NAV3: variants seen among roughly 807,000 people sequenced by gnomAD.
The protein encoded by NAV3 is pore membrane and/or filament interacting like protein 1.
Under a neutral mutation model 244.7 loss-of-function variants are expected in NAV3, and 87 were observed. The observed-to-expected ratio is 0.36, with a 90% confidence interval of 0.30 to 0.42. The LOEUF (loss-of-function observed/expected upper bound fraction) is 0.42, where lower values mean the gene tolerates loss of function less well. Ranked by LOEUF, NAV3 falls within the 20% of genes least tolerant of loss-of-function variation. NAV3 has a pLI of 1.00. For missense variants in NAV3, 2,663 were observed against 2,893.3 expected (o/e 0.92, Z 1.83); for synonymous variants, 1,126 against 1,042.2 (o/e 1.08, Z -1.55).
At chr12:78,052,169 G>C (rs1167683810) in intron 11 of NAV3, 1 of 152,142 alleles carries the variant, frequency 6.6e-6, no homozygotes, top group Non-Finnish European at 1.5e-5. Context: ...CTATATAAGT[G>C]ACCCTTCCTG....
intron 12 of NAV3, among the ~76,000 whole-genome samples, chr12:78,098,118 A>G (rs1217205375): frequency 6.6e-6 from 1 of 152,094 alleles, no homozygotes; most frequent in Admixed American, 6.5e-5. Context: ...ACTGATTTCT[A>G]TCTTCTCATT....
intron 11 of NAV3, among the ~76,000 whole-genome samples, chr12:78,057,147 A>G (rs985514130): frequency 3.3e-5 from 5 of 152,214 alleles, no homozygotes; most frequent in Admixed American, 2.0e-4. Context: ...CTATTTATGA[A>G]GTTAAAAACA....
At chr12:77,808,926 C>T (rs914263738) in intron 2 of NAV3, among the ~76,000 whole-genome samples, 2 of 152,300 alleles carry the variant, frequency 1.3e-5, no homozygotes, top group South Asian at 4.1e-4. Flanking sequence ...TGCGGAGCTG[C>T]GGTGGGCTCC....
chr12:77,851,708 T>C (rs1877558201), intron 1 of NAV3, among the ~76,000 whole-genome samples: 1 of 152,102 alleles, frequency 6.6e-6, no homozygotes, highest in Non-Finnish European at 1.5e-5. Context: ...TTAAGAATAA[T>C]AAATTTATAT....
chr12:78,183,660 C>T (rs1405650290), intron 30 of NAV3, among the ~76,000 whole-genome samples: 1 of 151,880 alleles, frequency 6.6e-6, no homozygotes, highest in Non-Finnish European at 1.5e-5. Flanking sequence ...ATTTATCCTA[C>T]TGTTGTCAGG....
At chr12:78,093,705 A>G (rs1340517798) in intron 12 of NAV3, among the ~76,000 whole-genome samples, 3 of 150,726 alleles carry the variant, frequency 2.0e-5, no homozygotes, top group South Asian at 2.1e-4. Context: ...AATGAATTAT[A>G]CAAACTTATT....
intron 8 of NAV3, 112 bp downstream of exon 8, chr12:78,007,557 A>C (rs1874459093): frequency 4.3e-6 from 5 of 1,173,724 alleles, no homozygotes; most frequent in Non-Finnish European, 5.8e-6. Context: ...TTTTGGAGTA[A>C]AGTTTCATGC....
At chr12:78,062,315 T>G (rs1375558508) in intron 12 of NAV3, among the ~76,000 whole-genome samples, 1 of 152,066 alleles carries the variant, frequency 6.6e-6, no homozygotes. Context: ...ATGAAAAAAT[T>G]TTTATACCAT....
At chr12:77,904,156 A>G (rs992074594) in intron 1 of NAV3, among the ~76,000 whole-genome samples, 2 of 152,234 alleles carry the variant, frequency 1.3e-5, no homozygotes, top group African/African-American at 4.8e-5. Context: ...TATATATCCA[A>G]AGATTATAAA....
chr12:77,576,174 A>C (rs763095518), intron 2 of NAV3, among the ~76,000 whole-genome samples: 1 of 152,046 alleles, frequency 6.6e-6, no homozygotes, highest in Non-Finnish European at 1.5e-5. Flanking sequence ...TATTCTGGGT[A>C]TAGTGTTTGA....
intron 2 of NAV3, among the ~76,000 whole-genome samples, chr12:77,704,801 T>G (rs1324563514): frequency 2.6e-5 from 4 of 152,212 alleles, no homozygotes; most frequent in African/African-American, 9.6e-5. Context: ...ACATTTTGAA[T>G]ATTTATTCAT....
chr12:77,844,448 T>C (rs1876272095), intron 1 of NAV3, among the ~76,000 whole-genome samples: 1 of 152,226 alleles, frequency 6.6e-6, no homozygotes, highest in African/African-American at 2.4e-5. Flanking sequence ...ATTCAGACCA[T>C]AGCAATGCCC....
chr12:77,661,103 G>T (rs188882093), intron 2 of NAV3, among the ~76,000 whole-genome samples: 1 of 152,032 alleles, frequency 6.6e-6, no homozygotes. Flanking sequence ...ATTTTTTCTG[G>T]AGAGAGATTG....
At chr12:77,673,650 GT>G (rs1238911085) in intron 2 of NAV3, among the ~76,000 whole-genome samples, 1 of 151,944 alleles carries the variant, frequency 6.6e-6, no homozygotes, top group East Asian at 1.9e-4. Flanking sequence ...TTTGTATGGT[GT>G]TTGATATCAA....
At chr12:78,060,012 G>T (rs1391745388) in intron 12 of NAV3, among the ~76,000 whole-genome samples, 1 of 151,104 alleles carries the variant, frequency 6.6e-6, no homozygotes, top group Non-Finnish European at 1.5e-5. Context: ...TAATTATTTT[G>T]CTGGAAATTG....
intron 12 of NAV3, among the ~76,000 whole-genome samples, chr12:78,104,271 C>G (rs995991137): frequency 1.3e-5 from 2 of 152,074 alleles, no homozygotes; most frequent in East Asian, 1.9e-4. Context: ...GAGCATGACT[C>G]GAATACCTGC....
intron 2 of NAV3, among the ~76,000 whole-genome samples, chr12:77,745,756 G>T (rs370523352): frequency 6.6e-6 from 1 of 151,958 alleles, no homozygotes; most frequent in African/African-American, 2.4e-5. Context: ...TCTCGTTGAG[G>T]TTACATGTGT....
Position 78,199,604 on chromosome 12 carries a change from G to A in NAV3, c.6715+73G>A, listed in dbSNP as rs1959414468. 3.6e-6 allele frequency: 4 copies of A among 1,124,754 alleles called. No homozygotes were observed. In the South Asian group the frequency reaches 7.5e-5, roughly 21 times the overall value. The allele number at this position is 1,124,754 out of a possible 1,614,324, so 69.7% of individuals were successfully genotyped here. A position where few individuals can be genotyped will look rare whatever the true frequency, so the allele number is the denominator to read the frequency against. On this transcript the variant is annotated intron_variant, in intron 37 of 39. Coordinates refer to ENST00000397909, the MANE Select transcript of NAV3 (RefSeq NM_001024383.2). ...TTGGTAAAGACGGCCAGATTGGATG[G>A]TAGAAAATAACAAGCAAAGCTAATG...
intron 1 of NAV3, among the ~76,000 whole-genome samples, chr12:77,928,600 C>T (rs1330829088): frequency 1.3e-5 from 2 of 152,160 alleles, no homozygotes; most frequent in Non-Finnish European, 2.9e-5. Flanking sequence ...TTTGATTTGA[C>T]TATGAATGAC....
Sources: gnomAD v4.1 joint callset for allele counts (sites outside exome capture counted in the v4.1 genomes callset) on GRCh38, gnomAD v4.1.1 for gene constraint, MANE v1.5 for transcripts, NCBI Gene and HGNC (gene_info 2026-07-23, HGNC 2026-07-21) for gene names.